Variants in RAD51B observed in about 807,000 individuals in gnomAD.
The protein encoded by RAD51B is DNA repair protein RAD51 homolog 2.
RAD51B carries 38 observed loss-of-function variants against 42.2 expected under a neutral mutation model. That is an observed-to-expected ratio of 0.90 (90% CI 0.70 to 1.18). RAD51B has a LOEUF of 1.18. Ranked by LOEUF, RAD51B falls within the 50% of genes most tolerant of loss-of-function variation. The pLI is 0.00. For missense variants in RAD51B, 373 were observed against 400.7 expected (o/e 0.93, Z 0.59); for synonymous variants, 154 against 145.2 (o/e 1.06, Z -0.43).
At chr14:68,677,949 C>T (rs1319153418) in intron 11 of RAD51B, among the ~76,000 whole-genome samples, 1 of 152,198 alleles carries the variant, frequency 6.6e-6, no homozygotes, top group East Asian at 1.9e-4. Context: ...GCTCCAGCTC[C>T]ACCTCCACCT....
At chr14:68,493,019 C>T (rs1156971563) in intron 10 of RAD51B, among the ~76,000 whole-genome samples, 1 of 152,168 alleles carries the variant, frequency 6.6e-6, no homozygotes, top group Non-Finnish European at 1.5e-5. Context: ...ACATTAGCAT[C>T]CCTCCGAGCT....
At chr14:68,515,785 T>C (rs1300473875) in intron 10 of RAD51B, among the ~76,000 whole-genome samples, 3 of 146,146 alleles carry the variant, frequency 2.1e-5, no homozygotes, top group Non-Finnish European at 4.5e-5. Flanking sequence ...TTTCTTTTTT[T>C]TTTTTTTTTT....
chr14:68,220,579 C>T (rs112443050), intron 7 of RAD51B, among the ~76,000 whole-genome samples: 14 of 152,114 alleles, frequency 9.2e-5, no homozygotes, highest in Admixed American at 1.3e-4. Context: ...CCACTTTCAC[C>T]GCTTCTATTC....
At chr14:68,113,313 T>C (rs2077488647) in intron 7 of RAD51B, among the ~76,000 whole-genome samples, 1 of 151,974 alleles carries the variant, frequency 6.6e-6, no homozygotes, top group Non-Finnish European at 1.5e-5. Context: ...ATAAGAAAAA[T>C]AGCTAAGAGT....
chr14:68,589,642 T>C (rs1270431947), intron 10 of RAD51B, among the ~76,000 whole-genome samples: 1 of 152,220 alleles, frequency 6.6e-6, no homozygotes, highest in African/African-American at 2.4e-5. Flanking sequence ...GTCCTGATCC[T>C]GTACAGACTC....
At chr14:68,081,533 T>G (rs1230731573) in intron 7 of RAD51B, among the ~76,000 whole-genome samples, 1 of 152,268 alleles carries the variant, frequency 6.6e-6, no homozygotes, top group Non-Finnish European at 1.5e-5. Context: ...TTTCTGTGTT[T>G]ATATGTACTT....
At chr14:68,015,858 A>G (rs993060684) in intron 7 of RAD51B, among the ~76,000 whole-genome samples, 2 of 152,224 alleles carry the variant, frequency 1.3e-5, no homozygotes, top group East Asian at 3.8e-4. Context: ...CTCTGACACC[A>G]TTTATTCATT....
At chr14:67,845,897 T>C (rs1240946711) in intron 4 of RAD51B, among the ~76,000 whole-genome samples, 1 of 152,190 alleles carries the variant, frequency 6.6e-6, no homozygotes, top group Non-Finnish European at 1.5e-5. Flanking sequence ...GACTGTGTCC[T>C]GGGGATGATC....
At chr14:67,824,406 T>A (rs949675038) in intron 2 of RAD51B, among the ~76,000 whole-genome samples, 2 of 152,072 alleles carry the variant, frequency 1.3e-5, no homozygotes, top group East Asian at 3.9e-4. Context: ...TACAGGCACA[T>A]GCCACCACAC....
At chr14:68,139,363 A>C (rs893037223) in intron 7 of RAD51B, among the ~76,000 whole-genome samples, 5 of 152,142 alleles carry the variant, frequency 3.3e-5, no homozygotes, top group Non-Finnish European at 5.9e-5. Context: ...TACTGCATAC[A>C]TAAATCATTC....
At chr14:68,070,259 C>T (rs2076720315) in intron 7 of RAD51B, among the ~76,000 whole-genome samples, 1 of 152,092 alleles carries the variant, frequency 6.6e-6, no homozygotes, top group Admixed American at 6.5e-5. Context: ...CAGTTTCTTG[C>T]CATTCAGAAG....
At chr14:68,385,386 G>T (rs2083571900) in intron 8 of RAD51B, among the ~76,000 whole-genome samples, 2 of 152,126 alleles carry the variant, frequency 1.3e-5, no homozygotes, top group South Asian at 4.1e-4. Flanking sequence ...TTCCCTTCCG[G>T]CACTCCTTCA....
At chr14:67,867,258 A>G (rs1400824764) in intron 5 of RAD51B, among the ~76,000 whole-genome samples, 1 of 152,198 alleles carries the variant, frequency 6.6e-6, no homozygotes, top group Non-Finnish European at 1.5e-5. Context: ...AGGTTGGCCA[A>G]TCGGTTAGGA....
intron 7 of RAD51B, among the ~76,000 whole-genome samples, chr14:68,061,116 T>G (rs868215883): frequency 6.8e-6 from 1 of 146,274 alleles, no homozygotes; most frequent in African/African-American, 2.6e-5. Context: ...TCACCCAGGC[T>G]GGAGTGCAGT....
intron 4 of RAD51B, among the ~76,000 whole-genome samples, chr14:67,847,395 T>A (rs2041657621): frequency 6.7e-6 from 1 of 149,364 alleles, no homozygotes; most frequent in Non-Finnish European, 1.5e-5. Context: ...GAAATCTTTC[T>A]AACCTCTTGA....
chr14:68,568,340 G>A (rs1889525758), intron 10 of RAD51B, among the ~76,000 whole-genome samples: 1 of 152,186 alleles, frequency 6.6e-6, no homozygotes, highest in Non-Finnish European at 1.5e-5. Context: ...GGACATCATT[G>A]GCAAAGTGAA....
intron 4 of RAD51B, among the ~76,000 whole-genome samples, chr14:67,844,767 C>T (rs1313924740): frequency 3.3e-5 from 5 of 152,046 alleles, no homozygotes; most frequent in African/African-American, 9.6e-5. Flanking sequence ...TATCCTTCCC[C>T]GCTCCCCCCA....
chr14:68,021,544 A>G (rs750720710), intron 7 of RAD51B, among the ~76,000 whole-genome samples: 8 of 152,184 alleles, frequency 5.3e-5, no homozygotes, highest in Non-Finnish European at 1.0e-4. Context: ...TTATATGGGT[A>G]AACAAATTGC....
chr14:68,598,679 C>T (rs1274170090), downstream of RAD51B, among the ~76,000 whole-genome samples: 3 of 152,150 alleles, frequency 2.0e-5, no homozygotes, highest in East Asian at 3.9e-4. Flanking sequence ...AACAGTTCCA[C>T]GGTGCCGGGC....
Sources: allele counts gnomAD v4.1 joint callset (sites outside exome capture counted in the v4.1 genomes callset), GRCh38; gene constraint gnomAD v4.1.1; transcripts MANE v1.5; gene names NCBI Gene and HGNC (gene_info 2026-07-23, HGNC 2026-07-21).